The following METTL24 variants were observed in gnomAD, a reference collection of about 807,000 sequenced individuals.
The protein encoded by METTL24 is probable methyltransferase-like protein 24.
Under a neutral mutation model 32.7 loss-of-function variants are expected in METTL24, and 29 were observed. The ratio of observed to expected loss-of-function variants is 0.89; its 90% CI spans 0.66 to 1.21. METTL24 has a LOEUF of 1.21. Ranked by LOEUF, METTL24 falls within the 50% of genes most tolerant of loss-of-function variation. The pLI, the probability that METTL24 is intolerant of heterozygous loss-of-function variation, is 0.00. For missense variants in METTL24, 439 were observed against 468.1 expected (o/e 0.94, Z 0.57); for synonymous variants, 163 against 179.5 (o/e 0.91, Z 0.73).
rs145366383 is a variant in METTL24 at position 110,322,164 on chromosome 6, T to C, written c.417+610A>G. ...TGTCTTAATGGACAGTCTCTTTGCCTGCTCGGGGCACTGGCTCAGCCTGGA... is the reference window on the plus strand; with the variant it reads ...TGTCTTAATGGACAGTCTCTTTGCCCGCTCGGGGCACTGGCTCAGCCTGGA... On this transcript the variant is annotated intron_variant, in intron 2 of 4. Transcript: ENST00000338882. 4.9e-4 allele frequency among the ~76,000 whole-genome samples: 75 copies of C among 152,332 alleles called. 1 individual carries two copies. Among genetic ancestry groups the C allele is most frequent in the African/African-American group, 1.6e-3 (68 of 41,576 alleles).
At chr6:110,265,553 T>C (rs1212232209) in intron 4 of METTL24, among the ~76,000 whole-genome samples, 3 of 152,120 alleles carry the variant, frequency 2.0e-5, no homozygotes, top group Non-Finnish European at 2.9e-5. Context: ...ATCTGAGCAA[T>C]AAGATATAAG....
intron 3 of METTL24, among the ~76,000 whole-genome samples, chr6:110,311,018 AG>A (rs893115380): frequency 3.3e-5 from 5 of 152,088 alleles, no homozygotes; most frequent in Non-Finnish European, 7.4e-5. Flanking sequence ...GCCTGTATGG[AG>A]GGCCACAGAA....
chr6:110,333,527 C>T (rs1365148696), intron 1 of METTL24, among the ~76,000 whole-genome samples: 1 of 152,104 alleles, frequency 6.6e-6, no homozygotes, highest in African/African-American at 2.4e-5. Context: ...GATCTCGGCT[C>T]ACTACAACCT....
At chr6:110,347,688 G>A (rs1772504465) in intron 1 of METTL24, among the ~76,000 whole-genome samples, 2 of 152,084 alleles carry the variant, frequency 1.3e-5, no homozygotes, top group Non-Finnish European at 2.9e-5. Flanking sequence ...TCTTTTGAGG[G>A]AAAATGGTAT....
intron 4 of METTL24, among the ~76,000 whole-genome samples, chr6:110,275,568 C>T (rs557297383): frequency 6.6e-6 from 1 of 152,268 alleles, no homozygotes; most frequent in African/African-American, 2.4e-5. Context: ...GCACCAAGTA[C>T]TTTATTATAT....
rs1778126775 is a variant in METTL24, at chr6:110,245,013, T to TATCATCTATC, written c.*932_*933insGATAGATGAT. On this transcript the variant is annotated 3_prime_UTR_variant, in exon 5 of 5. Transcript: ENST00000338882. ...ATCTATCTATCTATCATCTATCTAT[T>TATCATCTATC]TATCTACCTACCTACCTACAATGGT... 7.8e-6 allele frequency among the ~76,000 whole-genome samples: 1 copy of TATCATCTATC among 128,138 alleles called. No homozygotes were observed. The highest frequency in any genetic ancestry group is 2.1e-4 in the East Asian group (1 of 4,786). 84.1% of individuals were successfully genotyped at this position (128,138 alleles called of 152,430 possible). A position where few individuals can be genotyped will look rare whatever the true frequency, so the allele number is the denominator to read the frequency against.
chr6:110,343,995 A>T (rs1191404601), intron 1 of METTL24, among the ~76,000 whole-genome samples: 10 of 152,234 alleles, frequency 6.6e-5, no homozygotes, highest in Non-Finnish European at 1.5e-4. Context: ...TACTGAACTT[A>T]TAGTACATGG....
intron 1 of METTL24, among the ~76,000 whole-genome samples, chr6:110,347,486 T>C (rs1481221370): frequency 6.6e-6 from 1 of 152,240 alleles, no homozygotes; most frequent in Admixed American, 6.5e-5. Context: ...TGACTGAGTT[T>C]ATCTTTAAAA....
chr6:110,321,426 A>T (rs1393246584), intron 2 of METTL24, among the ~76,000 whole-genome samples: 1 of 152,214 alleles, frequency 6.6e-6, no homozygotes, highest in Non-Finnish European at 1.5e-5. Context: ...CTTGCATTAC[A>T]TAAATTTATT....
intron 3 of METTL24, among the ~76,000 whole-genome samples, chr6:110,308,605 A>G (rs1448813161): frequency 6.6e-6 from 1 of 152,196 alleles, no homozygotes; most frequent in Non-Finnish European, 1.5e-5. Context: ...AAGAGAAATG[A>G]AAACATAAGT....
chr6:110,260,559 G>A (rs1215180372), intron 4 of METTL24, among the ~76,000 whole-genome samples: 3 of 152,112 alleles, frequency 2.0e-5, no homozygotes, highest in Non-Finnish European at 4.4e-5. Context: ...TTATCCAGGA[G>A]AACTTCCCCA....
intron 1 of METTL24, among the ~76,000 whole-genome samples, chr6:110,325,965 A>G (rs932226964): frequency 6.6e-6 from 1 of 152,168 alleles, no homozygotes; most frequent in African/African-American, 2.4e-5. Context: ...GACTGTCTCA[A>G]AAAGACACTG....
At chr6:110,344,206 G>A (rs191904225) in intron 1 of METTL24, among the ~76,000 whole-genome samples, 6 of 152,196 alleles carry the variant, frequency 3.9e-5, no homozygotes, top group African/African-American at 1.4e-4. Context: ...GAGACTTTGC[G>A]GTGCCATTCC....
intron 4 of METTL24, among the ~76,000 whole-genome samples, chr6:110,286,101 C>T (rs138306633): frequency 1.3e-3 from 205 of 152,288 alleles, no homozygotes; most frequent in African/African-American, 4.4e-3. Flanking sequence ...GGCAAGGGTT[C>T]ATATCATGCA....
At chr6:110,325,435 G>T (rs920241633) in intron 1 of METTL24, among the ~76,000 whole-genome samples, 2 of 152,172 alleles carry the variant, frequency 1.3e-5, no homozygotes, top group Admixed American at 6.5e-5. Context: ...ACACAAACAG[G>T]CAGCAGGCTG....
At chr6:110,344,464 A>G (rs1772428677) in intron 1 of METTL24, among the ~76,000 whole-genome samples, 3 of 152,260 alleles carry the variant, frequency 2.0e-5, no homozygotes, top group Admixed American at 6.5e-5. Flanking sequence ...TTTGTGAGCC[A>G]AGAAGCAAAA....
chr6:110,328,553 T>C (rs540483709), intron 1 of METTL24, among the ~76,000 whole-genome samples: 2 of 152,282 alleles, frequency 1.3e-5, no homozygotes, highest in South Asian at 4.1e-4. Context: ...AGCACAGCCA[T>C]GAGGCTTTGG....
chr6:110,320,704 G>C (rs1253514845), intron 2 of METTL24, among the ~76,000 whole-genome samples: 1 of 152,102 alleles, frequency 6.6e-6, no homozygotes, highest in Non-Finnish European at 1.5e-5. Context: ...AGATCCTTAA[G>C]GGCAGAGACT....
intron 3 of METTL24, among the ~76,000 whole-genome samples, chr6:110,307,480 C>T (rs921366527): frequency 2.0e-5 from 3 of 152,176 alleles, no homozygotes; most frequent in African/African-American, 4.8e-5. Flanking sequence ...GCTTCCATCT[C>T]AAGGTCTTAG....
Sources: allele counts gnomAD v4.1 joint callset (sites outside exome capture counted in the v4.1 genomes callset), GRCh38; gene constraint gnomAD v4.1.1; transcripts MANE v1.5; gene names NCBI Gene and HGNC (gene_info 2026-07-23, HGNC 2026-07-21).